The following VPS13B variants were observed in gnomAD, a reference collection of about 807,000 sequenced individuals.
VPS13B encodes vacuolar protein sorting 13 homolog B, also known as intermembrane lipid transfer protein VPS13B.
Under a neutral mutation model 426.4 loss-of-function variants are expected in VPS13B, and 285 were observed. That is an observed-to-expected ratio of 0.67 (90% CI 0.61 to 0.74). The LOEUF is 0.74. VPS13B is among the 30% of genes least tolerant of loss of function. The pLI, the probability that VPS13B is intolerant of heterozygous loss-of-function variation, is 0.00. For synonymous variants in VPS13B, 1,676 were observed against 1,676.4 expected (o/e 1.00, Z 0.01); for missense variants, 4,537 against 4,782.6 (o/e 0.95, Z 1.51).
At chr8:99,571,275 G>A (rs1168616992) in intron 31 of VPS13B, among the ~76,000 whole-genome samples, 1 of 151,790 alleles carries the variant, frequency 6.6e-6, no homozygotes, top group Non-Finnish European at 1.5e-5. Context: ...AATATTGACA[G>A]AATTTAATTC....
At chr8:99,084,635 G>C (rs1322272711) in intron 3 of VPS13B, among the ~76,000 whole-genome samples, 1 of 152,156 alleles carries the variant, frequency 6.6e-6, no homozygotes, top group African/African-American at 2.4e-5. Flanking sequence ...ATGTGTCCCA[G>C]AGATTCTGGT....
At chr8:99,152,050 A>G (rs1811106750) in intron 14 of VPS13B, among the ~76,000 whole-genome samples, 1 of 151,854 alleles carries the variant, frequency 6.6e-6, no homozygotes. Flanking sequence ...TTTGATTTTA[A>G]TTCTTTTCTT....
At chr8:99,232,527 T>A (rs1168379167) in intron 17 of VPS13B, among the ~76,000 whole-genome samples, 2 of 152,042 alleles carry the variant, frequency 1.3e-5, no homozygotes, top group African/African-American at 2.4e-5. Context: ...GAAAAAAAAA[T>A]TAATAGTTGA....
intron 25 of VPS13B, among the ~76,000 whole-genome samples, chr8:99,482,398 A>T (rs1429608376): frequency 2.0e-5 from 3 of 152,234 alleles, no homozygotes; most frequent in African/African-American, 7.2e-5. Flanking sequence ...TAACTTACAT[A>T]TACATATAAT....
chr8:99,016,501 G>T, intron 2 of VPS13B, among the ~76,000 whole-genome samples: 1 of 135,146 alleles, frequency 7.4e-6, no homozygotes, highest in Non-Finnish European at 1.6e-5. Flanking sequence ...TGGCCATTTA[G>T]CTATCTTTTT....
In VPS13B at chr8:99,683,179, A is replaced by G. The variant is rs183867577; in HGVS notation, c.6047-16346A>G. On this transcript the variant is annotated intron_variant, in intron 35 of 61. Coordinates refer to ENST00000357162, the MANE Select transcript of VPS13B (RefSeq NM_152564.5). ...ATCAACTAATAATTCTTTGGACCCT[A>G]TTTCTGGACTCTGTTCTGTTCCACT... Among the ~76,000 whole-genome samples the G allele has an allele frequency of 6.2e-3, 949 of 152,160 alleles. 8 individuals are homozygous for G. The highest frequency in any genetic ancestry group is 0.021 in the African/African-American group (892 of 41,506).
At chr8:99,368,880 A>G (rs1017018470) in intron 19 of VPS13B, among the ~76,000 whole-genome samples, 2 of 152,182 alleles carry the variant, frequency 1.3e-5, no homozygotes, top group Admixed American at 6.5e-5. Flanking sequence ...CATATTCTCT[A>G]TGTATTTTTG....
rs992150196 is a variant in VPS13B at position 99,019,857 on chromosome 8, A to G, written c.147+5922A>G. ...TGTCTAAATAATCTATTATATGTAC[A>G]TGCCACATTTTGTTCATTCATTTAT... On this transcript the variant is annotated intron_variant, in intron 2 of 61. Coordinates refer to ENST00000357162, the MANE Select transcript of VPS13B (RefSeq NM_152564.5). Among the ~76,000 whole-genome samples the G allele has an allele frequency of 2.0e-5, 3 of 152,364 alleles. No individual in the cohort carries two copies. The East Asian group carries it at 5.8e-4, about 29-fold the overall frequency.
intron 56 of VPS13B, among the ~76,000 whole-genome samples, chr8:99,857,308 G>T (rs538587173): frequency 6.6e-6 from 1 of 152,320 alleles, no homozygotes; most frequent in African/African-American, 2.4e-5. Context: ...CAGGCCTGTC[G>T]TGGGGGACAC....
intron 51 of VPS13B, among the ~76,000 whole-genome samples, chr8:99,830,906 C>A (rs1377398848): frequency 1.3e-5 from 2 of 151,996 alleles, no homozygotes; most frequent in Non-Finnish European, 2.9e-5. Flanking sequence ...CACCCTGCTT[C>A]TGCTCACCCT....
At chr8:99,440,382 C>T (rs900746204) in intron 22 of VPS13B, among the ~76,000 whole-genome samples, 1 of 151,968 alleles carries the variant, frequency 6.6e-6, no homozygotes, top group Non-Finnish European at 1.5e-5. Flanking sequence ...ATTGTCAGAT[C>T]CTTACATTAA....
chr8:99,113,477 A>G (rs1847481196), intron 6 of VPS13B, among the ~76,000 whole-genome samples: 1 of 152,150 alleles, frequency 6.6e-6, no homozygotes, highest in Non-Finnish European at 1.5e-5. Flanking sequence ...CCAAGTCCTA[A>G]TCCTAGGGAA....
At chr8:99,158,985 C>T (rs997936721) in intron 15 of VPS13B, among the ~76,000 whole-genome samples, 13 of 152,144 alleles carry the variant, frequency 8.5e-5, no homozygotes, top group African/African-American at 2.4e-5. Context: ...AAATTGAAAA[C>T]CTTTTGGAAA....
chr8:99,442,054 T>C (rs1817706173), intron 22 of VPS13B, among the ~76,000 whole-genome samples: 1 of 152,130 alleles, frequency 6.6e-6, no homozygotes, highest in Admixed American at 6.6e-5. Context: ...AAATGCTAGG[T>C]AGTTCTAGGC....
At chr8:99,664,028 A>T (rs1830350162) in intron 35 of VPS13B, among the ~76,000 whole-genome samples, 2 of 144,842 alleles carry the variant, frequency 1.4e-5, no homozygotes, top group African/African-American at 2.6e-5. Context: ...TTTTTTTGAG[A>T]TGGAGTCTCA....
chr8:99,666,818 G>T (rs998155762), intron 35 of VPS13B, among the ~76,000 whole-genome samples: 1 of 152,066 alleles, frequency 6.6e-6, no homozygotes, highest in Non-Finnish European at 1.5e-5. Context: ...GGGCAATCAG[G>T]CAGGAGAAGG....
At chr8:99,288,359 A>C (rs1021046850) in intron 19 of VPS13B, among the ~76,000 whole-genome samples, 5 of 152,108 alleles carry the variant, frequency 3.3e-5, no homozygotes, top group Non-Finnish European at 5.9e-5. Context: ...CTGCAAACAT[A>C]ATAGATATTA....
Position 99,843,235 on chromosome 8 carries a change from T to C in VPS13B, c.9943-5541T>C, listed in dbSNP as rs536735147. Among the ~76,000 whole-genome samples, 8 of 152,226 alleles carry C rather than the reference T, an allele frequency of 5.3e-5. No individual in the cohort carries two copies. In the East Asian group the frequency reaches 1.5e-3, roughly 29 times the overall value. On this transcript the variant is annotated intron_variant, in intron 54 of 61. Coordinates refer to ENST00000357162, the MANE Select transcript of VPS13B (RefSeq NM_152564.5). ...TCAAATGGCAAAACGGTGAGTCTCT[T>C]AGTATATGTCACCTAGAGCCTTCCA... is the stretch of plus-strand genomic sequence containing the variant.
chr8:99,823,636 G>A (rs1466227817), intron 50 of VPS13B, among the ~76,000 whole-genome samples, 196 bp from the exon 51 acceptor site: 6 of 152,222 alleles, frequency 3.9e-5, no homozygotes, highest in African/African-American at 1.4e-4. Flanking sequence ...GCACCATGTT[G>A]TAGGCTAAAT....
Sources: gnomAD v4.1 joint callset for allele counts (sites outside exome capture counted in the v4.1 genomes callset) on GRCh38, gnomAD v4.1.1 for gene constraint, MANE v1.5 for transcripts, NCBI Gene and HGNC (gene_info 2026-07-23, HGNC 2026-07-21) for gene names.